Variants in FAM78B observed in about 807,000 individuals in gnomAD.
FAM78B encodes protein FAM78B.
A neutral mutation model predicts 20.0 loss-of-function variants in FAM78B; 10 were observed. That is an observed-to-expected ratio of 0.50 (90% CI 0.31 to 0.85). The LOEUF (loss-of-function observed/expected upper bound fraction) is 0.85. Ranked by LOEUF, FAM78B falls within the 40% of genes least tolerant of loss-of-function variation. FAM78B has a pLI of 0.05. For synonymous variants in FAM78B, 135 were observed against 132.8 expected (o/e 1.02, Z -0.12); for missense variants, 283 against 345.0 (o/e 0.82, Z 1.42).
chr1:166,061,662 T>A (rs1245099006), intron 2 of FAM78B, among the ~76,000 whole-genome samples: 1 of 152,198 alleles, frequency 6.6e-6, no homozygotes, highest in East Asian at 1.9e-4. Flanking sequence ...CTAGAAAGTG[T>A]TCCTCTGCAT....
chr1:166,111,334 G>T (rs550538623), intron 1 of FAM78B, among the ~76,000 whole-genome samples: 1 of 152,288 alleles, frequency 6.6e-6, no homozygotes, highest in South Asian at 2.1e-4. Flanking sequence ...TTTCATATTT[G>T]CTCTCTGCAC....
intron 1 of FAM78B, among the ~76,000 whole-genome samples, chr1:166,100,724 C>T (rs1445886781): frequency 6.6e-6 from 1 of 152,244 alleles, no homozygotes; most frequent in East Asian, 1.9e-4. Flanking sequence ...CCCACCGTAG[C>T]TCAAGGAGGC....
At chr1:166,109,482 T>C (rs1571170057) in intron 1 of FAM78B, among the ~76,000 whole-genome samples, 1 of 152,034 alleles carries the variant, frequency 6.6e-6, no homozygotes, top group East Asian at 1.9e-4. Context: ...CCTGCAAGAA[T>C]GGCCATAAAT....
chr1:166,154,400 C>A (rs1325296750), intron 1 of FAM78B, among the ~76,000 whole-genome samples: 1 of 152,244 alleles, frequency 6.6e-6, no homozygotes, highest in Admixed American at 6.5e-5. Flanking sequence ...CTCCTGCCAT[C>A]TGTGACAGGT....
intron 1 of FAM78B, among the ~76,000 whole-genome samples, chr1:166,082,286 C>T (rs894766486): frequency 6.6e-6 from 1 of 152,242 alleles, no homozygotes; most frequent in Admixed American, 6.5e-5. Flanking sequence ...GATAAGCTTC[C>T]TCCCACTGGA....
At chr1:166,061,097 G>A (rs1001613851) in intron 2 of FAM78B, among the ~76,000 whole-genome samples, 2 of 152,176 alleles carry the variant, frequency 1.3e-5, no homozygotes, top group African/African-American at 4.8e-5. Flanking sequence ...CCACGACTGA[G>A]CTAAAACTTA....
At chr1:166,110,175 G>A (rs563844652) in intron 1 of FAM78B, among the ~76,000 whole-genome samples, 36 of 151,280 alleles carry the variant, frequency 2.4e-4, no homozygotes, top group African/African-American at 7.0e-4. Flanking sequence ...AATACTGCTC[G>A]GGTGATGGGT....
rs1651953383 is a variant in FAM78B at position 166,069,975 on chromosome 1, A to C, written c.*266T>G. 1 of 1,181,390 alleles carries C rather than the reference A, an allele frequency of 8.5e-7. No individual in the cohort carries two copies. The highest frequency in any genetic ancestry group is 4.3e-5 in the Admixed American group (1 of 23,328). The allele number at this position is 1,181,390 out of a possible 1,614,324, so 73.2% of individuals were successfully genotyped here. A position where few individuals can be genotyped will look rare whatever the true frequency, so the allele number is the denominator to read the frequency against. On this transcript the variant is annotated 3_prime_UTR_variant, in exon 2 of 2. Coordinates refer to ENST00000354422, the MANE Select transcript of FAM78B (RefSeq NM_001017961.5). ...TTCAGATAAAAGAATCATCCTGGTC[A>C]GCTCCAAAATATGGCTACTTGCATG...
chr1:166,141,258 T>C (rs74118980), intron 1 of FAM78B, among the ~76,000 whole-genome samples: 4,853 of 152,260 alleles, frequency 0.032, 243 homozygotes, highest in African/African-American at 0.11. Context: ...GTGGAAGACA[T>C]AGACAAGATG....
At chr1:166,061,650 T>C (rs575104942) in intron 2 of FAM78B, among the ~76,000 whole-genome samples, 2 of 152,322 alleles carry the variant, frequency 1.3e-5, no homozygotes, top group Admixed American at 6.5e-5. Flanking sequence ...CTAGAAGCCA[T>C]TCTAGAAAGT....
At chr1:166,096,613 A>C (rs961986979) in intron 1 of FAM78B, among the ~76,000 whole-genome samples, 3 of 152,136 alleles carry the variant, frequency 2.0e-5, no homozygotes, top group African/African-American at 7.2e-5. Flanking sequence ...CAGTTTCCTC[A>C]TCTGTAAAGT....
chr1:166,089,122 C>T (rs1373546361), intron 1 of FAM78B, among the ~76,000 whole-genome samples: 1 of 152,186 alleles, frequency 6.6e-6, no homozygotes, highest in Non-Finnish European at 1.5e-5. Context: ...TAGGTCTAAA[C>T]CCAAGTGTCA....
chr1:166,105,417 C>T (rs1043101543), intron 1 of FAM78B, among the ~76,000 whole-genome samples: 113 of 151,942 alleles, frequency 7.4e-4, no homozygotes, highest in Non-Finnish European at 1.3e-3. Context: ...AGTGAACAGG[C>T]AACCTACAGA....
rs1198999197 is a variant in FAM78B, at chr1:166,166,937, T to G, written c.-689A>C. 1 of 140,636 alleles carries G rather than the reference T, an allele frequency of 7.1e-6. No homozygotes were observed. The highest frequency in any genetic ancestry group is 1.5e-5 in the Non-Finnish European group (1 of 65,662). The allele number at this position is 140,636 out of a possible 1,614,324, so 8.7% of individuals were successfully genotyped here. ...GGCGCCAGGAGGCTGTGGCCCGGGG[T>G]GGAGAGCCCCAACGGCTGGAGCAGC... On this transcript the variant is annotated 5_prime_UTR_variant, in exon 1 of 2. Coordinates refer to ENST00000354422, the MANE Select transcript of FAM78B (RefSeq NM_001017961.5).
intron 1 of FAM78B, among the ~76,000 whole-genome samples, chr1:166,120,240 C>T (rs1425760880): frequency 3.3e-5 from 5 of 152,226 alleles, no homozygotes; most frequent in Non-Finnish European, 7.3e-5. Flanking sequence ...TCATTTTATA[C>T]ACATAGTACC....
intron 1 of FAM78B, among the ~76,000 whole-genome samples, chr1:166,138,333 C>A (rs569072383): frequency 6.6e-6 from 1 of 152,120 alleles, no homozygotes; most frequent in African/African-American, 2.4e-5. Context: ...TTGCCCACCC[C>A]CTGTGTTTCT....
intron 1 of FAM78B, among the ~76,000 whole-genome samples, chr1:166,083,103 T>C (rs1486794467): frequency 3.9e-5 from 6 of 152,204 alleles, no homozygotes; most frequent in Non-Finnish European, 5.9e-5. Flanking sequence ...TGTGTTTTTT[T>C]CCTTCTTATT....
downstream of FAM78B, among the ~76,000 whole-genome samples, chr1:166,065,548 A>G (rs1016057763): frequency 3.0e-4 from 46 of 152,292 alleles, no homozygotes; most frequent in African/African-American, 1.1e-3. Flanking sequence ...TATAAACTGT[A>G]AAGCACTTAT....
At chr1:166,145,889 T>C (rs1655434411) in intron 1 of FAM78B, among the ~76,000 whole-genome samples, 1 of 152,238 alleles carries the variant, frequency 6.6e-6, no homozygotes, top group Non-Finnish European at 1.5e-5. Flanking sequence ...CTTCTGGCTT[T>C]GGACAATAAA....
Sources: allele counts gnomAD v4.1 joint callset (sites outside exome capture counted in the v4.1 genomes callset), GRCh38; gene constraint gnomAD v4.1.1; transcripts MANE v1.5; gene names NCBI Gene and HGNC (gene_info 2026-07-23, HGNC 2026-07-21).